The following SENP6 variants were observed in gnomAD, a reference collection of about 807,000 sequenced individuals.
The protein encoded by SENP6 is SUMO specific peptidase 6, also known as sentrin-specific protease 6.
A neutral mutation model predicts 134.5 loss-of-function variants in SENP6; 41 were observed. The ratio of observed to expected loss-of-function variants is 0.30; its 90% CI spans 0.24 to 0.40. SENP6 has a LOEUF of 0.40. Among genes scored for constraint, SENP6 ranks in the 10% least tolerant of loss-of-function variants. The pLI is 1.00. For missense variants in SENP6, 1,248 were observed against 1,312.5 expected (o/e 0.95, Z 0.76); for synonymous variants, 395 against 429.8 (o/e 0.92, Z 1.00).
At chr6:75,643,431 C>G (rs1770183226) in intron 6 of SENP6, among the ~76,000 whole-genome samples, 1 of 152,140 alleles carries the variant, frequency 6.6e-6, no homozygotes. Flanking sequence ...GGATTAAAAG[C>G]AGTAGACAGG....
chr6:75,702,955 A>C lies in SENP6; in HGVS notation c.2599A>C (p.Thr867Pro), dbSNP rs367965753. The C allele has an allele frequency of 1.7e-5, 27 of 1,613,956 alleles. No individual in the cohort carries two copies. The African/African-American group carries it at 3.5e-4, about 21-fold the overall frequency. The change falls in exon 19 of 24, where the codon ACT (threonine) becomes CCT (proline). Residue 867 changes from threonine to proline, a missense_variant. Thr to Pro is a conservative substitution (Grantham distance 38). Around this residue, in one of 3 missense-constraint regions of SENP6, gnomAD observed 386 missense variants for 395.0 expected, o/e 0.98. Coordinates refer to ENST00000447266, the MANE Select transcript of SENP6 (RefSeq NM_015571.4). ...VKYSVKKINH[T>P]ASENEEFNKG... is the part of the protein sequence containing the mutation. The stretch of plus-strand genomic sequence containing the variant: ...ATACAGTGTGAAAAAAATAAATCAT[A>C]CTGCGAGTGAAAATGAAGAATTCAA...
intron 3 of SENP6, among the ~76,000 whole-genome samples, chr6:75,625,098 CGT>C (rs987349488): frequency 2.1e-5 from 3 of 143,544 alleles, no homozygotes; most frequent in African/African-American, 5.1e-5. Flanking sequence ...AATATATATA[CGT>C]GTGTGTGTGT....
chr6:75,604,035 CAA>C (rs1042390890), intron 1 of SENP6, among the ~76,000 whole-genome samples: 1 of 152,100 alleles, frequency 6.6e-6, no homozygotes. Flanking sequence ...AAATTGGAAA[CAA>C]AAGATGGCTT....
chr6:75,714,375 T>C (rs928695020), intron 23 of SENP6, among the ~76,000 whole-genome samples: 1 of 152,204 alleles, frequency 6.6e-6, no homozygotes, highest in Non-Finnish European at 1.5e-5. Flanking sequence ...TCTTGGCTCC[T>C]ATCTTCATCC....
chr6:75,705,672 C>T (rs1775341583), intron 19 of SENP6, among the ~76,000 whole-genome samples: 4 of 151,930 alleles, frequency 2.6e-5, no homozygotes, highest in Admixed American at 2.0e-4. Flanking sequence ...CCATAAAAAC[C>T]CATAACATGC....
intron 1 of SENP6, chr6:75,610,983 A>G (rs972427110): frequency 6.6e-6 from 1 of 152,236 alleles, no homozygotes; most frequent in Admixed American, 6.5e-5. Flanking sequence ...CATTTTTAAT[A>G]AAGAGTGGAC....
intron 16 of SENP6, among the ~76,000 whole-genome samples, chr6:75,692,479 T>C (rs1411733815): frequency 6.6e-6 from 1 of 151,436 alleles, no homozygotes; most frequent in Non-Finnish European, 1.5e-5. Context: ...AAAAAAAAAT[T>C]AGTTGGGCAT....
At chr6:75,705,053 C>T (rs1775297404) in intron 19 of SENP6, among the ~76,000 whole-genome samples, 1 of 152,234 alleles carries the variant, frequency 6.6e-6, no homozygotes, top group Non-Finnish European at 1.5e-5. Context: ...TCCCTTTCTA[C>T]ATAGACACAG....
At chr6:75,697,654 C>G (rs937407150) in intron 18 of SENP6, 137 bp downstream of exon 18, 2 of 599,644 alleles carry the variant, frequency 3.3e-6, no homozygotes, top group African/African-American at 1.9e-5. Flanking sequence ...ATTTGTACTG[C>G]CTGTTTTACA....
chr6:75,667,098 C>T (rs970980024), intron 10 of SENP6, among the ~76,000 whole-genome samples, 157 bp downstream of exon 10: 1 of 151,960 alleles, frequency 6.6e-6, no homozygotes, highest in African/African-American at 2.4e-5. Flanking sequence ...GAACATTAAG[C>T]CATATACAAA....
intron 16 of SENP6, among the ~76,000 whole-genome samples, chr6:75,685,375 C>CT (rs1317032088): frequency 6.6e-6 from 1 of 151,898 alleles, no homozygotes; most frequent in African/African-American, 2.4e-5. Context: ...TTTTTTGTCT[C>CT]TATCTCCTTC....
chr6:75,651,830 T>G lies in SENP6; in HGVS notation c.550+4029T>G, dbSNP rs542577329. 3.9e-5 allele frequency among the ~76,000 whole-genome samples: 6 copies of G among 152,274 alleles called. No individual in the cohort carries two copies. In the South Asian group the frequency reaches 1.2e-3, roughly 32 times the overall value. On this transcript the variant is annotated intron_variant, in intron 7 of 23. Transcript: ENST00000447266. Reference sequence around the variant, plus strand: ...TGATATCTAGTTTTTACACTCTCATTAAAAGATGACAGACATGGAACCAGC... The same window carrying G: ...TGATATCTAGTTTTTACACTCTCATGAAAAGATGACAGACATGGAACCAGC...
intron 18 of SENP6, 57 bp from the exon 19 acceptor site, chr6:75,702,588 C>A: frequency 7.0e-7 from 1 of 1,420,196 alleles, no homozygotes; most frequent in Non-Finnish European, 9.5e-7. Flanking sequence ...ATATGTATTG[C>A]CAAATATAAT....
At chr6:75,657,216 A>G (rs988844682) in intron 7 of SENP6, among the ~76,000 whole-genome samples, 1 of 152,212 alleles carries the variant, frequency 6.6e-6, no homozygotes, top group Non-Finnish European at 1.5e-5. Flanking sequence ...TTTACTGTAA[A>G]TTAAGTTTTT....
intron 16 of SENP6, among the ~76,000 whole-genome samples, 186 bp from the exon 17 acceptor site, chr6:75,695,618 T>C (rs1463873919): frequency 6.6e-6 from 1 of 152,156 alleles, no homozygotes; most frequent in African/African-American, 2.4e-5. Flanking sequence ...GTGCCTGTAA[T>C]CCCAGCTACT....
intron 5 of SENP6, among the ~76,000 whole-genome samples, chr6:75,640,151 C>G (rs1282214345): frequency 6.6e-6 from 1 of 152,146 alleles, no homozygotes; most frequent in Non-Finnish European, 1.5e-5. Flanking sequence ...GCTAACTCTT[C>G]TGCTATGTAG....
At chr6:75,661,207 C>T (rs1408172525) in intron 8 of SENP6, among the ~76,000 whole-genome samples, 5 of 152,230 alleles carry the variant, frequency 3.3e-5, no homozygotes, top group Admixed American at 6.5e-5. Flanking sequence ...ATTTTTCCCA[C>T]GTTGCATGTT....
chr6:75,702,838 C>A lies in SENP6; in HGVS notation c.2482C>A (p.Leu828Ile). ...SSAKPVIKKM[L>I]NKKHCIAVID... is the part of the protein sequence containing the mutation. ...TGCCAAGCCTGTAATTAAGAAGATG[C>A]TAAACAAAAAACATTGCATAGCTGT... is the stretch of plus-strand genomic sequence containing the variant. The change falls in exon 19 of 24, where the codon CTA becomes ATA. Residue 828 changes from leucine (L) to isoleucine (I), a missense_variant. Coordinates refer to ENST00000447266, the MANE Select transcript of SENP6 (RefSeq NM_015571.4). 6.2e-7 allele frequency: 1 copy of A among 1,613,950 alleles called. No individual in the cohort carries two copies. Among genetic ancestry groups the A allele is most frequent in the Non-Finnish European group, 8.5e-7 (1 of 1,179,958 alleles).
intron 16 of SENP6, among the ~76,000 whole-genome samples, chr6:75,693,821 C>T (rs1344141636): frequency 6.6e-6 from 1 of 152,098 alleles, no homozygotes; most frequent in Non-Finnish European, 1.5e-5. Context: ...TTAATATGGC[C>T]ATAAGCTTGA....
Sources: gnomAD v4.1 joint callset for allele counts (sites outside exome capture counted in the v4.1 genomes callset) on GRCh38, gnomAD v4.1.1 for gene constraint, gnomAD v4.1.1 regional missense constraint, MANE v1.5 for transcripts, NCBI Gene and HGNC (gene_info 2026-07-23, HGNC 2026-07-21) for gene names.